The following PLEKHG5 variants were observed in gnomAD, a reference collection of about 807,000 sequenced individuals.
PLEKHG5 encodes pleckstrin homology and RhoGEF domain containing G5.
A neutral mutation model predicts 103.8 loss-of-function variants in PLEKHG5; 52 were observed. The ratio of observed to expected loss-of-function variants is 0.50; its 90% CI spans 0.40 to 0.63. The LOEUF (loss-of-function observed/expected upper bound fraction) is 0.63, where lower values mean the gene tolerates loss of function less well. Among genes scored for constraint, PLEKHG5 ranks in the 30% least tolerant of loss-of-function variants. PLEKHG5 has a pLI of 0.00. For missense variants in PLEKHG5, 1,205 were observed against 1,347.6 expected, an observed-to-expected ratio of 0.89 and a Z score of 1.66; for synonymous variants, 592 against 575.5, an observed-to-expected ratio of 1.03 and a Z score of -0.41.
At chr1:6,474,359 C>T (rs1023306484) in intron 6 of PLEKHG5, 92 bp downstream of exon 6, 5 of 1,513,344 alleles carry the variant, frequency 3.3e-6, no homozygotes, top group South Asian at 2.3e-5. Flanking sequence ...CTCAGGCCCA[C>T]GACCAATGGG....
At chr1:6,516,192 C>A (rs1037920116) in intron 1 of PLEKHG5, among the ~76,000 whole-genome samples, 1 of 152,246 alleles carries the variant, frequency 6.6e-6, no homozygotes, top group South Asian at 2.1e-4. Flanking sequence ...GAGGCTGAGG[C>A]AGGAGGATTG....
In PLEKHG5 at chr1:6,490,580, T is replaced by G. The variant is rs1276793410; in HGVS notation, c.-88+1057A>C. The G allele has an allele frequency of 4.1e-6, 4 of 985,076 alleles. No homozygotes were observed. The highest frequency in any genetic ancestry group is 4.8e-6 in the Non-Finnish European group (4 of 829,930). The allele number at this position is 985,076 out of a possible 1,614,324, so 61.0% of individuals were successfully genotyped here. A position where few individuals can be genotyped will look rare whatever the true frequency, so the allele number is the denominator to read the frequency against. Reference sequence around the variant, plus strand: ...CGGGCTCAGTCGACTCAGCGCAAACTGGGGCGCGGGACGTAGGGGAATTAC... The same window carrying G: ...CGGGCTCAGTCGACTCAGCGCAAACGGGGGCGCGGGACGTAGGGGAATTAC... On this transcript the variant is annotated intron_variant, in intron 1 of 20. Coordinates refer to ENST00000377728, the MANE Select transcript of PLEKHG5 (RefSeq NM_020631.6). The surrounding 1 kb of genome is among the most constrained non-coding windows in gnomAD (Gnocchi z 8.0).
At position 6,471,011 on chromosome 1, in the gene PLEKHG5, G is replaced by A. The variant is rs776561735; in HGVS notation, c.1371C>T (p.Asp457=). 1.7e-5 allele frequency: 28 copies of A among 1,605,368 alleles called. No homozygotes were observed. In the Admixed American group the frequency reaches 4.2e-4, roughly 24 times the overall value. ...EYMRGLLRDN[D]LFRAYITWAE... is the part of the protein sequence containing the mutation. ...TCACCGTGATGTAGGCCCGGAAGAG[G>A]TCGTTGTCGCGCAGCAGGCCGCGCA... is the stretch of plus-strand genomic sequence containing the variant. Residue 457 remains aspartate, a synonymous_variant, in exon 13 of 21, where the codon GAC becomes GAT. Transcript: ENST00000377728.
chr1:6,473,183 A>C lies in PLEKHG5; in HGVS notation c.796-9T>G, dbSNP rs776663985. 4.3e-6 allele frequency: 7 copies of C among 1,613,586 alleles called. No individual in the cohort carries two copies. In the South Asian group the frequency reaches 7.7e-5, roughly 18 times the overall value. On this transcript the variant is annotated splice_polypyrimidine_tract_variant and intron_variant, in intron 8 of 20. Transcript: ENST00000377728. Reference sequence around the variant, plus strand: ...TCCATCTTGTCTACCTCCTGGAAAGATACCCTGGTCAGGGTCAGGGGTCAT... The same window carrying C: ...TCCATCTTGTCTACCTCCTGGAAAGCTACCCTGGTCAGGGTCAGGGGTCAT...
chr1:6,477,748 T>G, intron 1 of PLEKHG5, 90 bp from the exon 2 acceptor site: 3 of 1,346,342 alleles, frequency 2.2e-6, no homozygotes, highest in Non-Finnish European at 2.0e-6. Flanking sequence ...TAGAATGAAC[T>G]GCCCTCCATC....
upstream of PLEKHG5, among the ~76,000 whole-genome samples, chr1:6,500,983 C>T (rs539775322): frequency 2.6e-5 from 4 of 152,292 alleles, no homozygotes; most frequent in Admixed American, 6.5e-5. Flanking sequence ...GCAGAACGGC[C>T]GGCAGACATG....
At chr1:6,474,198 C>G (rs1264780410) in intron 6 of PLEKHG5, 34 bp from the exon 7 acceptor site, 1 of 1,611,838 alleles carries the variant, frequency 6.2e-7, no homozygotes, top group Admixed American at 1.7e-5. Context: ...TCCTCAGTAC[C>G]CTGGTCTGGT....
At chr1:6,496,670 T>C in exon 1 of PLEKHG5, 1 of 784,854 alleles carries the variant, frequency 1.3e-6, no homozygotes, top group Non-Finnish European at 2.0e-6. Context: ...ATCTCCTCAG[T>C]CCTCCCTTCA....
upstream of PLEKHG5, among the ~76,000 whole-genome samples, chr1:6,495,903 G>A (rs1375902406): frequency 2.0e-5 from 3 of 152,220 alleles, no homozygotes; most frequent in Non-Finnish European, 4.4e-5. Context: ...CACATCACAG[G>A]CAGAAGCGCC....
intron 12 of PLEKHG5, 192 bp downstream of exon 12, chr1:6,471,296 G>T: frequency 1.3e-6 from 1 of 776,198 alleles, no homozygotes. Flanking sequence ...GGGATCAGGG[G>T]TAGATGGTCA....
At chr1:6,493,043 T>C (rs915754018), upstream of PLEKHG5, among the ~76,000 whole-genome samples, 50 of 152,218 alleles carry the variant, frequency 3.3e-4, no homozygotes, top group African/African-American at 1.2e-3. Flanking sequence ...AAGCCCATCC[T>C]GGTTAGCCCT....
chr1:6,479,997 C>A (rs1203284597), intron 1 of PLEKHG5, among the ~76,000 whole-genome samples: 1 of 152,138 alleles, frequency 6.6e-6, no homozygotes, highest in Non-Finnish European at 1.5e-5. Flanking sequence ...CAGAAAGTTT[C>A]AAACTGAGCG....
chr1:6,497,251 G>A (rs1645240609), upstream of PLEKHG5: 6 of 881,318 alleles, frequency 6.8e-6, no homozygotes, highest in Non-Finnish European at 7.2e-6. The surrounding 1 kb of genome is among the most constrained non-coding windows in gnomAD (Gnocchi z 6.1). Flanking sequence ...CCTCCCCGGA[G>A]GAGGTTAGGA....
chr1:6,509,748 G>A (rs956429238), intron 1 of PLEKHG5, among the ~76,000 whole-genome samples: 3 of 152,196 alleles, frequency 2.0e-5, no homozygotes, highest in Admixed American at 6.5e-5. Context: ...GGGCAGCCTC[G>A]GCCGTGACAC....
chr1:6,495,896 A>G (rs1386678678), upstream of PLEKHG5, among the ~76,000 whole-genome samples: 3 of 152,218 alleles, frequency 2.0e-5, no homozygotes, highest in Non-Finnish European at 4.4e-5. Context: ...AGCCCAGCAC[A>G]TCACAGGCAG....
chr1:6,512,590 G>A (rs376003005), intron 1 of PLEKHG5, among the ~76,000 whole-genome samples: 67 of 152,306 alleles, frequency 4.4e-4, no homozygotes, highest in African/African-American at 7.7e-4. Flanking sequence ...CTGCAGCCTC[G>A]GGACAACTGC....
rs146651455 is a variant in PLEKHG5 at position 6,473,355 on chromosome 1, C to T, written c.691G>A (p.Gly231Ser). The T allele has an allele frequency of 8.0e-4, 1,246 of 1,551,912 alleles. 7 individuals are homozygous for T. In the African/African-American group the frequency reaches 0.015, roughly 19 times the overall value. ...CCAGTGTTGGTGCTGCCACTGCTGC[C>T]GCTGGGCAGAGAGCAGCTGGAGGGC... ...PTPSSCSLPS[G>S]SSGSTNTGDS... Residue 231 changes from glycine (G) to serine (S), a missense_variant, in exon 8 of 21, where the codon GGC becomes AGC. Gly to Ser is a moderately conservative substitution (Grantham distance 56). Transcript: ENST00000377728.
At chr1:6,485,555 G>C in intron 1 of PLEKHG5, 1 of 1,097,658 alleles carries the variant, frequency 9.1e-7, no homozygotes, top group Non-Finnish European at 1.1e-6. Context: ...ACCCCGGGGA[G>C]GGCCGGGCCC....
intron 17 of PLEKHG5, 45 bp downstream of exon 17, chr1:6,469,499 C>T: frequency 1.2e-6 from 2 of 1,613,480 alleles, no homozygotes; most frequent in South Asian, 2.2e-5. Context: ...ATGGCCCCCA[C>T]CCATCACAGC....
Sources: allele counts gnomAD v4.1 joint callset (sites outside exome capture counted in the v4.1 genomes callset), GRCh38; gene constraint gnomAD v4.1.1; non-coding constraint Gnocchi (gnomAD v3.1); transcripts MANE v1.5; gene names NCBI Gene and HGNC (gene_info 2026-07-23, HGNC 2026-07-21).